Variants in KIDINS220 observed in about 807,000 individuals in gnomAD.
The protein encoded by KIDINS220 is kinase D-interacting substrate of 220 kDa.
In KIDINS220, 63 loss-of-function variants were observed where a neutral mutation model predicts 157.6. The observed-to-expected ratio is 0.40, with a 90% CI of 0.33 to 0.49. KIDINS220 has a LOEUF of 0.49. Among genes scored for constraint, KIDINS220 ranks in the 20% least tolerant of loss-of-function variants. The pLI, the probability that KIDINS220 is intolerant of heterozygous loss-of-function variation, is 0.66. For missense variants in KIDINS220, 1,772 were observed against 2,171.2 expected, an observed-to-expected ratio of 0.82 and a Z score of 3.65; for synonymous variants, 732 against 783.6, an observed-to-expected ratio of 0.93 and a Z score of 1.10.
chr2:8,731,787 A>T lies in KIDINS220; in HGVS notation c.4249T>A (p.Tyr1417Asn). 3 of 1,614,122 alleles carry T rather than the reference A, an allele frequency of 1.9e-6. No individual in the cohort carries two copies. The highest frequency in any genetic ancestry group is 2.5e-6 in the Non-Finnish European group (3 of 1,180,022). Residue 1417 changes from tyrosine to asparagine, a missense_variant, in exon 30 of 30, where the codon TAC becomes AAC. By Grantham distance (143) the Tyr-to-Asn change is moderately radical (BLOSUM62 -2). This residue lies in a region of KIDINS220 where 793 missense variants were observed against 885.5 expected (regional missense o/e 0.90). Coordinates refer to ENST00000256707, the MANE Select transcript of KIDINS220 (RefSeq NM_020738.4). The surrounding 1 kb of genome is among the most constrained non-coding windows in gnomAD (Gnocchi z 5.2). Reference protein sequence around the residue: ...SGRSSPHSTYYMGQSSSGGSI... With the variant: ...SGRSSPHSTYNMGQSSSGGSI... ...CCCCCTGATGAACTCTGACCCATGT[A>T]ATATGTGCTATGTGGAGAAGATCTG... is the stretch of plus-strand genomic sequence containing the variant.
intron 8 of KIDINS220, among the ~76,000 whole-genome samples, chr2:8,802,312 T>C: frequency 6.6e-6 from 1 of 152,220 alleles, no homozygotes; most frequent in East Asian, 1.9e-4. Flanking sequence ...GCAAAGCTAC[T>C]GCTTTGACAG....
chr2:8,811,663 C>A (rs1676331458), intron 6 of KIDINS220, among the ~76,000 whole-genome samples: 1 of 151,914 alleles, frequency 6.6e-6, no homozygotes, highest in Non-Finnish European at 1.5e-5. Context: ...AACTGAGAAG[C>A]CTGGGTTTTA....
downstream of KIDINS220, chr2:8,723,678 G>T (rs964989836): frequency 1.3e-5 from 2 of 152,248 alleles, no homozygotes; most frequent in African/African-American, 2.4e-5. Flanking sequence ...TAAAAGAATG[G>T]TTGAAGAAGT....
chr2:8,738,951 T>G (rs1665251131), intron 26 of KIDINS220, among the ~76,000 whole-genome samples: 1 of 152,202 alleles, frequency 6.6e-6, no homozygotes, highest in Non-Finnish European at 1.5e-5. Flanking sequence ...AGTAAAAAAT[T>G]TATTTCAAAA....
At chr2:8,776,726 G>T in intron 21 of KIDINS220, 22 bp downstream of exon 21, 1 of 1,603,396 alleles carries the variant, frequency 6.2e-7, no homozygotes, top group South Asian at 1.1e-5. Flanking sequence ...AACTATCATA[G>T]ACAATAAGAG....
Position 8,796,756 on chromosome 2 carries a change from G to C in KIDINS220, c.1098+15C>G. 1 of 1,588,938 alleles carries C rather than the reference G, an allele frequency of 6.3e-7. No homozygotes were observed. Among genetic ancestry groups the C allele is most frequent in the Non-Finnish European group, 8.6e-7 (1 of 1,157,032 alleles). On this transcript the variant is annotated intron_variant, in intron 11 of 29. Transcript: ENST00000256707. Reference sequence around the variant, plus strand: ...CAGCTTTCCATACAGTGTTCTCTCCGCACAGATGTTTTACCTTATCTACAG... The same window carrying C: ...CAGCTTTCCATACAGTGTTCTCTCCCCACAGATGTTTTACCTTATCTACAG...
At chr2:8,786,987 C>A (rs912092805) in intron 15 of KIDINS220, among the ~76,000 whole-genome samples, 2 of 151,840 alleles carry the variant, frequency 1.3e-5, no homozygotes, top group Non-Finnish European at 1.5e-5. Flanking sequence ...TAGTTCCTTT[C>A]TCCCTTCCAT....
At chr2:8,821,568 G>C (rs1338768220) in intron 2 of KIDINS220, among the ~76,000 whole-genome samples, 2 of 152,152 alleles carry the variant, frequency 1.3e-5, no homozygotes, top group African/African-American at 2.4e-5. Flanking sequence ...AAGGAGCCTG[G>C]GTTCTGAAGC....
intron 29 of KIDINS220, among the ~76,000 whole-genome samples, chr2:8,733,234 A>G (rs1049726567): frequency 6.6e-6 from 1 of 152,332 alleles, no homozygotes; most frequent in East Asian, 1.9e-4. Context: ...ATCAATGTCT[A>G]CATGAGCTAC....
intron 2 of KIDINS220, among the ~76,000 whole-genome samples, chr2:8,821,149 A>T (rs1677891596): frequency 6.6e-6 from 1 of 151,376 alleles, no homozygotes; most frequent in Non-Finnish European, 1.5e-5. Flanking sequence ...AATAATATAA[A>T]TGTTATAAAT....
At chr2:8,759,754 C>G (rs1668515190) in intron 22 of KIDINS220, among the ~76,000 whole-genome samples, 1 of 151,900 alleles carries the variant, frequency 6.6e-6, no homozygotes, top group Non-Finnish European at 1.5e-5. Context: ...TATATAAACT[C>G]TAACAGGGAA....
intron 11 of KIDINS220, among the ~76,000 whole-genome samples, chr2:8,795,605 GAAC>G (rs1673806426): frequency 6.6e-6 from 1 of 152,200 alleles, no homozygotes; most frequent in Non-Finnish European, 1.5e-5. Flanking sequence ...GTTCATGAAT[GAAC>G]AACTGTTGCA....
At chr2:8,722,246 A>T (rs1662998798), downstream of KIDINS220, 1 of 152,266 alleles carries the variant, frequency 6.6e-6, no homozygotes, top group Admixed American at 6.5e-5. Flanking sequence ...GAATACAAAA[A>T]GAAAATATGC....
Position 8,733,476 on chromosome 2 carries a change from C to G in KIDINS220, c.4021G>C (p.Gly1341Arg). Residue 1341 changes from glycine (G) to arginine (R), a missense_variant, in exon 29 of 30, where the codon GGT becomes CGT. This residue lies in a region of KIDINS220 where 793 missense variants were observed against 885.5 expected (regional missense o/e 0.90). Coordinates refer to ENST00000256707, the MANE Select transcript of KIDINS220 (RefSeq NM_020738.4). ...CTTAGATTACTGTGACGAGGGGCACCTTCATCCAGGCCAAGCGTGTTCAGC... is the reference window on the plus strand; with the variant it reads ...CTTAGATTACTGTGACGAGGGGCACGTTCATCCAGGCCAAGCGTGTTCAGC... ...EELNTLGLDE[G>R]APRHSNLSWQ... is the part of the protein sequence containing the mutation. 1.9e-6 allele frequency: 3 copies of G among 1,614,084 alleles called. No homozygotes were observed. Among genetic ancestry groups the G allele is most frequent in the Non-Finnish European group, 1.7e-6 (2 of 1,180,000 alleles).
chr2:8,734,199 G>C (rs7563908), intron 28 of KIDINS220, among the ~76,000 whole-genome samples: 3,721 of 151,828 alleles, frequency 0.025, 148 homozygotes, highest in African/African-American at 0.085. Flanking sequence ...TGGCCAGGGT[G>C]AGCCGACATC....
chr2:8,778,844 G>T, intron 19 of KIDINS220, 52 bp downstream of exon 19: 1 of 1,606,324 alleles, frequency 6.2e-7, no homozygotes, highest in South Asian at 1.1e-5. Context: ...TCGCCATAAA[G>T]AAACTACAAA....
intron 2 of KIDINS220, among the ~76,000 whole-genome samples, chr2:8,825,141 G>T (rs1281792512): frequency 6.6e-6 from 1 of 152,050 alleles, no homozygotes; most frequent in Non-Finnish European, 1.5e-5. Context: ...GGAGGCCGAG[G>T]TGGGCGAATC....
At position 8,744,391 on chromosome 2, in the gene KIDINS220, ATATATAT is replaced by A. The variant is rs1558328457; in HGVS notation, c.3585+2747_3585+2753del. 1.9e-3 allele frequency among the ~76,000 whole-genome samples: 51 copies of A among 27,278 alleles called. 9 individuals are homozygous for A. Among genetic ancestry groups the A allele is most frequent in the African/African-American group, 8.7e-3 (48 of 5,494 alleles). The allele number at this position is 27,278 out of a possible 152,430, so 17.9% of individuals were successfully genotyped here. ...AAAAAAAAAAAAAAAAAAAAAAAAT[ATATATAT>A]ATAATATATATATATATATATATAT... On this transcript the variant is annotated intron_variant, in intron 26 of 29. Coordinates refer to ENST00000256707, the MANE Select transcript of KIDINS220 (RefSeq NM_020738.4).
intron 22 of KIDINS220, among the ~76,000 whole-genome samples, 173 bp downstream of exon 22, chr2:8,770,497 A>C (rs1460300110): frequency 6.6e-6 from 1 of 152,168 alleles, no homozygotes; most frequent in Non-Finnish European, 1.5e-5. Context: ...ATGACAGGAT[A>C]TATACCTGTG....
Sources: gnomAD v4.1 joint callset for allele counts (sites outside exome capture counted in the v4.1 genomes callset) on GRCh38, gnomAD v4.1.1 for gene constraint, gnomAD v4.1.1 regional missense constraint, Gnocchi (gnomAD v3.1) non-coding constraint, MANE v1.5 for transcripts, NCBI Gene and HGNC (gene_info 2026-07-23, HGNC 2026-07-21) for gene names.